STXBP4: variants seen among roughly 807,000 people sequenced by gnomAD.
STXBP4 encodes syntaxin-binding protein 4.
STXBP4 carries 55 observed loss-of-function variants against 76.1 expected under a neutral mutation model. The ratio of observed to expected loss-of-function variants is 0.72; its 90% CI spans 0.58 to 0.91. The LOEUF (loss-of-function observed/expected upper bound fraction) is 0.91, where lower values mean the gene tolerates loss of function less well. Among genes scored for constraint, STXBP4 ranks in the 40% least tolerant of loss-of-function variants. The probability of loss-of-function intolerance (pLI) is 0.00; values close to 1 mark genes in which losing one functional copy is unlikely to be tolerated. For missense variants in STXBP4, 618 were observed against 636.9 expected (o/e 0.97, Z 0.32); for synonymous variants, 201 against 220.2 (o/e 0.91, Z 0.77).
the STXBP4 span, among the ~76,000 whole-genome samples, chr17:55,195,770 A>G: frequency 4.6e-5 from 7 of 152,080 alleles, no homozygotes; most frequent in Non-Finnish European, 1.0e-4. Flanking sequence ...TTAGGCTGTA[A>G]ACTTCTTGAG....
intron 16 of STXBP4, among the ~76,000 whole-genome samples, chr17:55,140,878 G>T (rs1219101330): frequency 6.6e-6 from 1 of 152,088 alleles, no homozygotes; most frequent in Non-Finnish European, 1.5e-5. Flanking sequence ...TGCTGATCTG[G>T]CACTCATGTC....
At chr17:55,192,320 C>T in the STXBP4 span, among the ~76,000 whole-genome samples, 1 of 152,132 alleles carries the variant, frequency 6.6e-6, no homozygotes, top group Non-Finnish European at 1.5e-5. Flanking sequence ...CACAGCAGAC[C>T]TCTCAATGGA....
At chr17:55,057,055 A>G (rs933287102) in intron 12 of STXBP4, among the ~76,000 whole-genome samples, 2 of 152,204 alleles carry the variant, frequency 1.3e-5, no homozygotes, top group Non-Finnish European at 2.9e-5. Context: ...GTTCAATTTC[A>G]CTATAAACTC....
At chr17:55,073,852 C>G (rs779780159) in intron 13 of STXBP4, among the ~76,000 whole-genome samples, 80 of 152,278 alleles carry the variant, frequency 5.3e-4, no homozygotes, top group Middle Eastern at 3.4e-3. Context: ...TGGTCTTGAC[C>G]TCCTGACCTC....
At chr17:55,092,964 AT>A (rs767869034) in intron 16 of STXBP4, among the ~76,000 whole-genome samples, 14 of 138,768 alleles carry the variant, frequency 1.0e-4, no homozygotes, top group Middle Eastern at 3.5e-3. Context: ...ACAAAAAAAC[AT>A]TTTTTTTGTT....
In STXBP4 at chr17:55,009,528, G is replaced by A. The variant is rs571675945; in HGVS notation, c.666+1931G>A. On this transcript the variant is annotated intron_variant, in intron 8 of 17. Transcript: ENST00000376352. ...TAATATTCTTTGAGGTATGAAAATCGAAATTTGTATTGATTCTGAGAAATA... is the reference window on the plus strand; with the variant it reads ...TAATATTCTTTGAGGTATGAAAATCAAAATTTGTATTGATTCTGAGAAATA... 3.0e-4 allele frequency among the ~76,000 whole-genome samples: 46 copies of A among 152,074 alleles called. 1 individual carries two copies. The highest frequency in any genetic ancestry group is 6.8e-3 in the Middle Eastern group (2 of 294).
chr17:54,984,117 A>G (rs1323777898), intron 1 of STXBP4, among the ~76,000 whole-genome samples: 2 of 152,268 alleles, frequency 1.3e-5, no homozygotes, highest in East Asian at 3.9e-4. Context: ...CACCCAGACC[A>G]GTGAATACAT....
At chr17:55,018,859 A>G (rs1441541037) in intron 8 of STXBP4, among the ~76,000 whole-genome samples, 3 of 152,128 alleles carry the variant, frequency 2.0e-5, no homozygotes, top group African/African-American at 7.2e-5. Flanking sequence ...CAGTTAAGCT[A>G]TTTTCACTTT....
At chr17:55,042,623 G>A (rs1838064280) in intron 10 of STXBP4, among the ~76,000 whole-genome samples, 1 of 151,774 alleles carries the variant, frequency 6.6e-6, no homozygotes, top group African/African-American at 2.4e-5. Flanking sequence ...GTAATTGACG[G>A]TCAGAGACAT....
intron 4 of STXBP4, among the ~76,000 whole-genome samples, chr17:54,992,534 A>G (rs1052010213): frequency 3.3e-5 from 5 of 151,938 alleles, no homozygotes; most frequent in Admixed American, 6.6e-5. Flanking sequence ...AAACAAAAAA[A>G]TGAATTTTTT....
chr17:55,048,331 A>C (rs1404477780), intron 12 of STXBP4, among the ~76,000 whole-genome samples: 1 of 151,942 alleles, frequency 6.6e-6, no homozygotes, highest in Non-Finnish European at 1.5e-5. Flanking sequence ...TCCATAGAAG[A>C]AACTGCACAG....
chr17:55,105,462 T>G (rs1278352469), intron 16 of STXBP4, among the ~76,000 whole-genome samples: 1 of 123,678 alleles, frequency 8.1e-6, no homozygotes, highest in African/African-American at 2.7e-5. Context: ...CTGAGTTCTT[T>G]CTTTTCTTTT....
chr17:55,013,584 A>G (rs995185317), intron 8 of STXBP4, among the ~76,000 whole-genome samples: 4 of 152,216 alleles, frequency 2.6e-5, no homozygotes, highest in Non-Finnish European at 5.9e-5. Flanking sequence ...TAAGTATTTA[A>G]CCTGCTGTGA....
chr17:55,031,812 AC>A (rs1242688232), intron 9 of STXBP4, among the ~76,000 whole-genome samples: 3 of 152,146 alleles, frequency 2.0e-5, no homozygotes, highest in South Asian at 4.1e-4. Flanking sequence ...ACCTGCAAAT[AC>A]TGTATTTTTT....
intron 8 of STXBP4, among the ~76,000 whole-genome samples, chr17:55,015,230 T>C (rs1418786885): frequency 2.0e-5 from 3 of 152,214 alleles, no homozygotes; most frequent in East Asian, 3.8e-4. Flanking sequence ...GGCTTCTTCC[T>C]AGTTTTCCTT....
At position 55,139,402 on chromosome 17, in the gene STXBP4, T is replaced by C. The variant is rs56745487; in HGVS notation, c.1490-1908T>C. Among the ~76,000 whole-genome samples the C allele has an allele frequency of 7.1e-3, 1,074 of 152,286 alleles. 16 individuals are homozygous for C. Among genetic ancestry groups the C allele is most frequent in the African/African-American group, 0.024 (1,016 of 41,552 alleles). On this transcript the variant is annotated intron_variant, in intron 16 of 17. Transcript: ENST00000376352. ...TAGCGGGCAAAAATTGTAGTCACATTAGAATAACTTCCTACTTAACTTTTA... is the reference window on the plus strand; with the variant it reads ...TAGCGGGCAAAAATTGTAGTCACATCAGAATAACTTCCTACTTAACTTTTA...
At chr17:55,019,557 G>GAAT (rs2078268308) in intron 8 of STXBP4, among the ~76,000 whole-genome samples, 2 of 152,012 alleles carry the variant, frequency 1.3e-5, no homozygotes, top group Non-Finnish European at 2.9e-5. Flanking sequence ...TATAAATTAT[G>GAAT]AATTATTATT....
chr17:55,202,313 A>G, the STXBP4 span, among the ~76,000 whole-genome samples: 1 of 152,176 alleles, frequency 6.6e-6, no homozygotes, highest in South Asian at 2.1e-4. Flanking sequence ...CATGCTTGAG[A>G]GTCCAAGATA....
chr17:55,081,276 C>T, intron 16 of STXBP4, 93 bp downstream of exon 16: 1 of 1,040,772 alleles, frequency 9.6e-7, no homozygotes, highest in Non-Finnish European at 1.3e-6. Flanking sequence ...AGTGGCTTGC[C>T]TACAGCAAAG....
Sources: gnomAD v4.1 joint callset for allele counts (sites outside exome capture counted in the v4.1 genomes callset) on GRCh38, gnomAD v4.1.1 for gene constraint, MANE v1.5 for transcripts, NCBI Gene and HGNC (gene_info 2026-07-23, HGNC 2026-07-21) for gene names.